Variants in DOCK2 observed in about 807,000 individuals in gnomAD.
The protein encoded by DOCK2 is dedicator of cytokinesis protein 2.
DOCK2 carries 87 observed loss-of-function variants against 248.9 expected under a neutral mutation model. That is an observed-to-expected ratio of 0.35 (90% confidence interval 0.29 to 0.42). DOCK2 has a LOEUF of 0.42. Ranked by LOEUF, DOCK2 falls within the 10% of genes least tolerant of loss-of-function variation. The pLI, the probability that DOCK2 is intolerant of heterozygous loss-of-function variation, is 1.00. For missense variants in DOCK2, 1,747 were observed against 2,300.2 expected (o/e 0.76, Z 4.92); for synonymous variants, 805 against 821.6 (o/e 0.98, Z 0.35).
intron 22 of DOCK2, among the ~76,000 whole-genome samples, chr5:169,738,725 G>A (rs56661193): frequency 0.027 from 4,043 of 152,270 alleles, 81 homozygotes; most frequent in South Asian, 0.089. Context: ...TTTGACAATA[G>A]AAGCCAGATA....
Position 169,863,978 on chromosome 5 carries a change from G to T in DOCK2, c.2799+23126G>T, listed in dbSNP as rs112636019. 3.3e-4 allele frequency among the ~76,000 whole-genome samples: 50 copies of T among 152,288 alleles called. 1 individual carries two copies. Among genetic ancestry groups the T allele is most frequent in the African/African-American group, 1.2e-3 (48 of 41,556 alleles). On this transcript the variant is annotated intron_variant, in intron 27 of 51. Transcript: ENST00000520908. Reference sequence around the variant, plus strand: ...TGTAGTGTGGGGTTTTGCTCGTGGTGGGAATCTGGTCTTAAAACTCAGCAT... The same window carrying T: ...TGTAGTGTGGGGTTTTGCTCGTGGTTGGAATCTGGTCTTAAAACTCAGCAT...
intron 27 of DOCK2, among the ~76,000 whole-genome samples, chr5:169,904,091 C>CA (rs57983281): frequency 0.02 from 1,419 of 69,856 alleles, 50 homozygotes; most frequent in South Asian, 0.046. Context: ...GACTTCGTCT[C>CA]AAAAAAAAAA....
At chr5:169,741,438 T>C (rs568881882) in intron 22 of DOCK2, among the ~76,000 whole-genome samples, 1 of 152,284 alleles carries the variant, frequency 6.6e-6, no homozygotes, top group South Asian at 2.1e-4. Context: ...TCCCAGGTTG[T>C]GGGGTGGGAG....
In DOCK2 at chr5:169,900,623, C is replaced by A. The variant is rs1231889924; in HGVS notation, c.2799+59771C>A. Among the ~76,000 whole-genome samples, 3 of 152,174 alleles carry A rather than the reference C, an allele frequency of 2.0e-5. No individual in the cohort carries two copies. In the East Asian group the frequency reaches 5.8e-4, roughly 29 times the overall value. On this transcript the variant is annotated intron_variant, in intron 27 of 51. Transcript: ENST00000520908. ...GTAATATTAAGAGTATTGACTCCTT[C>A]ATGCACTACTTCTAATTAGAAGCTT... is the stretch of plus-strand genomic sequence containing the variant.
chr5:169,687,005 G>C (rs1760023545), intron 8 of DOCK2, among the ~76,000 whole-genome samples: 1 of 152,112 alleles, frequency 6.6e-6, no homozygotes, highest in South Asian at 2.1e-4. Flanking sequence ...CTACCACCTA[G>C]ATCTTCCTGG....
chr5:170,029,840 A>G (rs1238055559), intron 34 of DOCK2, among the ~76,000 whole-genome samples: 2 of 152,180 alleles, frequency 1.3e-5, no homozygotes, highest in Non-Finnish European at 2.9e-5. Flanking sequence ...CCCTACAATG[A>G]GCCTCTCGAC....
intron 24 of DOCK2, chr5:169,761,199 G>A (rs1157172219): frequency 2.3e-5 from 4 of 177,246 alleles, no homozygotes; most frequent in Admixed American, 6.2e-5. Context: ...TTATAAAATT[G>A]GGATAAGTAT....
intron 25 of DOCK2, among the ~76,000 whole-genome samples, chr5:169,788,921 CA>C (rs1766152612): frequency 6.6e-6 from 1 of 152,002 alleles, no homozygotes; most frequent in Non-Finnish European, 1.5e-5. Flanking sequence ...ATTTGTTATG[CA>C]GATTATTTTG....
intron 27 of DOCK2, among the ~76,000 whole-genome samples, chr5:169,906,281 A>G (rs1216198705): frequency 6.6e-6 from 1 of 152,118 alleles, no homozygotes; most frequent in African/African-American, 2.4e-5. Context: ...TAAAATGAGT[A>G]TGATCATAGT....
chr5:170,015,567 T>TTGTTTG (rs1755495171), intron 32 of DOCK2, among the ~76,000 whole-genome samples: 1 of 150,960 alleles, frequency 6.6e-6, no homozygotes, highest in South Asian at 2.1e-4. Context: ...TTTAGGTTTT[T>TTGTTTG]TTTGTTTGTT....
chr5:169,720,801 G>A (rs926311272), intron 22 of DOCK2, among the ~76,000 whole-genome samples: 1 of 152,190 alleles, frequency 6.6e-6, no homozygotes, highest in African/African-American at 2.4e-5. Flanking sequence ...CACAATCATG[G>A]CTCACTGCGA....
At chr5:169,909,673 A>G (rs769329163) in intron 27 of DOCK2, among the ~76,000 whole-genome samples, 2 of 152,216 alleles carry the variant, frequency 1.3e-5, no homozygotes, top group Non-Finnish European at 2.9e-5. Flanking sequence ...CTCTAAACCT[A>G]TAATACATCT....
intron 33 of DOCK2, among the ~76,000 whole-genome samples, chr5:170,021,079 G>A (rs1264274271): frequency 6.6e-6 from 1 of 152,222 alleles, no homozygotes; most frequent in Non-Finnish European, 1.5e-5. Flanking sequence ...CACTGTGAGA[G>A]GTAGCATTAT....
intron 25 of DOCK2, among the ~76,000 whole-genome samples, chr5:169,769,276 T>C (rs925588529): frequency 5.9e-5 from 9 of 152,136 alleles, no homozygotes; most frequent in African/African-American, 2.2e-4. Context: ...GGTTTTGACG[T>C]TTCCCTCAGT....
In DOCK2 at chr5:169,664,567, T is replaced by C. The variant is rs528635932; in HGVS notation, c.128-4721T>C. On this transcript the variant is annotated intron_variant, in intron 2 of 51. Coordinates refer to ENST00000520908, the MANE Select transcript of DOCK2 (RefSeq NM_004946.3). ...GGTTTAATTGACTTGCAGTTCTGCA[T>C]GGCTAAAGAGGCCGCAGAAAACTTA... 2.0e-5 allele frequency among the ~76,000 whole-genome samples: 3 copies of C among 152,328 alleles called. No individual in the cohort carries two copies. In the South Asian group the frequency reaches 6.2e-4, roughly 32 times the overall value.
chr5:169,807,199 A>G (rs1386304458), intron 26 of DOCK2, among the ~76,000 whole-genome samples: 1 of 152,108 alleles, frequency 6.6e-6, no homozygotes, highest in Non-Finnish European at 1.5e-5. Context: ...AAAGGTGATG[A>G]TTACCAGGTG....
intron 27 of DOCK2, among the ~76,000 whole-genome samples, chr5:169,957,642 A>C (rs1178735005): frequency 1.3e-5 from 2 of 152,126 alleles, no homozygotes; most frequent in African/African-American, 4.8e-5. Context: ...GAGACACTAG[A>C]GGCAATGCGC....
chr5:169,847,401 G>A (rs1288787454), intron 27 of DOCK2, among the ~76,000 whole-genome samples: 2 of 152,126 alleles, frequency 1.3e-5, no homozygotes, highest in East Asian at 3.9e-4. Context: ...GCAGGAGTAA[G>A]GTGGTATCTT....
intron 9 of DOCK2, among the ~76,000 whole-genome samples, chr5:169,695,523 C>T (rs1581049018): frequency 6.6e-6 from 1 of 152,136 alleles, no homozygotes; most frequent in African/African-American, 2.4e-5. Context: ...GCTGATATTC[C>T]ACCTCTACCC....
Sources: allele counts gnomAD v4.1 joint callset (sites outside exome capture counted in the v4.1 genomes callset), GRCh38; gene constraint gnomAD v4.1.1; transcripts MANE v1.5; gene names NCBI Gene and HGNC (gene_info 2026-07-23, HGNC 2026-07-21).